SHC2: variants seen among roughly 807,000 people sequenced by gnomAD.
SHC2 encodes the protein SHC adaptor protein 2.
A neutral mutation model predicts 60.6 loss-of-function variants in SHC2; 62 were observed. The observed-to-expected ratio is 1.02, with a 90% confidence interval of 0.83 to 1.26. The LOEUF is 1.26. Among genes scored for constraint, SHC2 ranks in the 50% most tolerant of loss-of-function variants. SHC2 has a pLI of 0.00. For synonymous variants in SHC2, 375 were observed against 372.4 expected (o/e 1.01, Z -0.08); for missense variants, 873 against 822.2 (o/e 1.06, Z -0.76).
At position 441,336 on chromosome 19, in the gene SHC2, A is replaced by G; in HGVS notation, c.469-404T>C. ...TTCAGGGTCTGGCAAACAGTGGGGC[A>G]GACGTCCAGGGCAGCCACAGATGCA... On this transcript the variant is annotated intron_variant, in intron 1 of 12. Coordinates refer to ENST00000264554, the MANE Select transcript of SHC2 (RefSeq NM_012435.3). This position sits in a 1 kb window ranked among gnomAD's most constrained non-coding sequence, Gnocchi z 4.9. 1 of 182,438 alleles carries G rather than the reference A, an allele frequency of 5.5e-6. No individual in the cohort carries two copies. The highest frequency in any genetic ancestry group is 1.0e-5 in the Non-Finnish European group (1 of 95,998). 11.3% of individuals were successfully genotyped at this position (182,438 alleles called of 1,614,324 possible).
chr19:455,488 C>T (rs549868399), intron 1 of SHC2, among the ~76,000 whole-genome samples: 9 of 152,380 alleles, frequency 5.9e-5, no homozygotes, highest in East Asian at 1.9e-4. Context: ...ATGCTGCCCA[C>T]GGCGCTCGGA....
intron 1 of SHC2, among the ~76,000 whole-genome samples, chr19:454,508 C>T (rs942562752): frequency 1.3e-5 from 2 of 152,174 alleles, no homozygotes; most frequent in African/African-American, 4.8e-5. Context: ...AGAAATGGGC[C>T]GGACGCGACG....
rs901056920 is a variant in SHC2, at chr19:424,146, C to T, written c.1309+951G>A. On this transcript the variant is annotated intron_variant, in intron 10 of 12. Coordinates refer to ENST00000264554, the MANE Select transcript of SHC2 (RefSeq NM_012435.3). The surrounding 1 kb of genome is among the most constrained non-coding windows in gnomAD (Gnocchi z 4.5). ...CGGCAGCTCAGAGCCAACACCTCTC[C>T]GTGCTGGAGAAGGGCAGAGTCGAGG... Among the ~76,000 whole-genome samples the T allele has an allele frequency of 2.6e-5, 4 of 152,206 alleles. No individual in the cohort carries two copies. Among genetic ancestry groups the T allele is most frequent in the Non-Finnish European group, 5.9e-5 (4 of 68,036 alleles).
chr19:439,661 G>A (rs961969944), intron 2 of SHC2, among the ~76,000 whole-genome samples: 2 of 152,128 alleles, frequency 1.3e-5, no homozygotes, highest in African/African-American at 2.4e-5. Flanking sequence ...CAGCCTGGGG[G>A]CTCCTCAAAA....
Position 438,847 on chromosome 19 carries a change from G to A in SHC2, c.601-10C>T. On this transcript the variant is annotated splice_polypyrimidine_tract_variant and intron_variant, in intron 3 of 12. Transcript: ENST00000264554. The surrounding 1 kb of genome is among the most constrained non-coding windows in gnomAD (Gnocchi z 5.0). The stretch of plus-strand genomic sequence containing the variant: ...GGGCCTTGTTGGGGGCCTGAGTTGG[G>A]GGCGGAGCACAGCGAGGGCGGCTGT... The A allele has an allele frequency of 1.3e-6, 2 of 1,562,958 alleles. No homozygotes were observed. Among genetic ancestry groups the A allele is most frequent in the Non-Finnish European group, 1.7e-6 (2 of 1,154,676 alleles).
intron 9 of SHC2, among the ~76,000 whole-genome samples, chr19:427,860 G>A: frequency 7.3e-6 from 1 of 136,308 alleles, no homozygotes; most frequent in Non-Finnish European, 1.6e-5. Context: ...AGGGAAGGGG[G>A]AACTGCACAC....
chr19:452,374 A>G (rs368106144), intron 1 of SHC2, among the ~76,000 whole-genome samples: 13 of 64,550 alleles, frequency 2.0e-4, no homozygotes, highest in South Asian at 6.9e-4. Context: ...CTTGGGGGGA[A>G]TTCCTGCGTA....
rs147059953 is a variant in SHC2 at position 441,580 on chromosome 19, G to T, written c.469-648C>A. Among the ~76,000 whole-genome samples the T allele has an allele frequency of 1.3e-4, 20 of 152,278 alleles. No individual in the cohort carries two copies. Among genetic ancestry groups the T allele is most frequent in the African/African-American group, 4.6e-4 (19 of 41,562 alleles). On this transcript the variant is annotated intron_variant, in intron 1 of 12. Coordinates refer to ENST00000264554, the MANE Select transcript of SHC2 (RefSeq NM_012435.3). This position sits in a 1 kb window ranked among gnomAD's most constrained non-coding sequence, Gnocchi z 4.9. ...CAGCGTCCTTCCAACGTTGGCCCTT[G>T]CTGGAGGGAGGGTAAGGGGCACAGC...
rs1975023514 is a variant in SHC2 at position 445,183 on chromosome 19, C to T, written c.469-4251G>A. ...GATCTAGGGCTGAATATCTGTGCCC[C>T]CCTCAAAATCCCTCTGTGGAAACCT... On this transcript the variant is annotated intron_variant, in intron 1 of 12. Transcript: ENST00000264554. This position sits in a 1 kb window ranked among gnomAD's most constrained non-coding sequence, Gnocchi z 4.4. 1.3e-5 allele frequency among the ~76,000 whole-genome samples: 2 copies of T among 152,208 alleles called. No homozygotes were observed. Among genetic ancestry groups the T allele is most frequent in the South Asian group, 2.1e-4 (1 of 4,836 alleles).
chr19:458,667 G>C, intron 1 of SHC2, among the ~76,000 whole-genome samples: 1 of 142,302 alleles, frequency 7.0e-6, no homozygotes, highest in Middle Eastern at 4.7e-3. Context: ...GGCGGAAGTG[G>C]GTTCCGGGGG....
chr19:456,956 C>A (rs1975359557), intron 1 of SHC2, among the ~76,000 whole-genome samples: 1 of 146,216 alleles, frequency 6.8e-6, no homozygotes, highest in Non-Finnish European at 1.5e-5. Flanking sequence ...CCCTAGAACT[C>A]TGTCTGTAAA....
chr19:435,295 G>A (rs560565565), intron 7 of SHC2, among the ~76,000 whole-genome samples: 16 of 152,328 alleles, frequency 1.1e-4, no homozygotes, highest in African/African-American at 3.4e-4. Flanking sequence ...CAGCAAGCAC[G>A]GCCCCGAGAG....
At position 438,928 on chromosome 19, in the gene SHC2, ACTGCCCCAC is replaced by A; in HGVS notation, c.600+33_600+41del. 1.3e-6 allele frequency: 2 copies of A among 1,563,290 alleles called. No homozygotes were observed. Among genetic ancestry groups the A allele is most frequent in the Non-Finnish European group, 1.7e-6 (2 of 1,150,808 alleles). ...GGCCGCAGCGTCCCCACAGCCCCCG[ACTGCCCCAC>A]CAGCCCCACGAGAGACCACAAGCCT... On this transcript the variant is annotated intron_variant, in intron 3 of 12. Coordinates refer to ENST00000264554, the MANE Select transcript of SHC2 (RefSeq NM_012435.3). This position sits in a 1 kb window ranked among gnomAD's most constrained non-coding sequence, Gnocchi z 5.0.
In SHC2 at chr19:446,693, G is replaced by A. The variant is rs897665760; in HGVS notation, c.469-5761C>T. 5.9e-5 allele frequency among the ~76,000 whole-genome samples: 9 copies of A among 152,114 alleles called. No individual in the cohort carries two copies. The South Asian group carries it at 8.3e-4, about 14-fold the overall frequency. On this transcript the variant is annotated intron_variant, in intron 1 of 12. Transcript: ENST00000264554. The surrounding 1 kb of genome is among the most constrained non-coding windows in gnomAD (Gnocchi z 5.4). ...ACAGAAGATGGGGAGGAGCCCTGGC[G>A]GCTTCACATTCAACCTTCCCCTTTG...
rs1269112670 is a variant in SHC2, at chr19:425,110, A to T, written c.1296T>A (p.Asp432Glu). Residue 432 changes from aspartate (D) to glutamate (E), a missense_variant, in exon 10 of 13, where the codon GAT (aspartate) becomes GAA (glutamate). Coordinates refer to ENST00000264554, the MANE Select transcript of SHC2 (RefSeq NM_012435.3). The surrounding 1 kb of genome is among the most constrained non-coding windows in gnomAD (Gnocchi z 4.1). ...APEPEDSPKK[D>E]LFDMRPFEDA... is the part of the protein sequence containing the mutation. ...GCTGCCACATACGCATGTCAAACAG[A>T]TCCTTTTTGGGGCTGTCCTCCGGCT... 7.1e-7 allele frequency: 1 copy of T among 1,404,778 alleles called. No individual in the cohort carries two copies. Among genetic ancestry groups the T allele is most frequent in the Non-Finnish European group, 9.3e-7 (1 of 1,071,610 alleles). 87.0% of individuals were successfully genotyped at this position (1,404,778 alleles called of 1,614,324 possible). A position where few individuals can be genotyped will look rare whatever the true frequency, so the allele number is the denominator to read the frequency against.
chr19:438,621 C>T lies in SHC2; in HGVS notation c.720+97G>A. ...GGCTCGTCTTTCTGGATAAACGCCA[C>T]CTGCTGCCCGCCCCCAGCACCCCAC... On this transcript the variant is annotated intron_variant, in intron 4 of 12. Transcript: ENST00000264554. The surrounding 1 kb of genome is among the most constrained non-coding windows in gnomAD (Gnocchi z 5.0). 1 of 1,386,324 alleles carries T rather than the reference C, an allele frequency of 7.2e-7. No individual in the cohort carries two copies. The highest frequency in any genetic ancestry group is 1.3e-5 in the South Asian group (1 of 74,420). The allele number at this position is 1,386,324 out of a possible 1,614,324, so 85.9% of individuals were successfully genotyped here. A position where few individuals can be genotyped will look rare whatever the true frequency, so the allele number is the denominator to read the frequency against.
chr19:434,779 G>A lies in SHC2; in HGVS notation c.1040C>T (p.Pro347Leu), dbSNP rs528045997. The A allele has an allele frequency of 2.0e-5, 33 of 1,612,876 alleles. No individual in the cohort carries two copies. The highest frequency in any genetic ancestry group is 9.3e-5 in the African/African-American group (7 of 75,038). The change falls in exon 8 of 13, where the codon CCG becomes CTG. Residue 347 changes from proline (P) to leucine (L), a missense_variant. Pro to Leu is a moderately conservative substitution (Grantham distance 98). Coordinates refer to ENST00000264554, the MANE Select transcript of SHC2 (RefSeq NM_012435.3). ...NYYNSIPGKE[P>L]PLGGLVDSRL... ...GGAGTCCACTAGCCCGCCCAGCGGC[G>A]GCTCCTTCCCCGGGATGCTGTTGTA...
rs1293775760 is a variant in SHC2 at position 453,618 on chromosome 19, C to T, written c.468+6911G>A. On this transcript the variant is annotated intron_variant, in intron 1 of 12. Coordinates refer to ENST00000264554, the MANE Select transcript of SHC2 (RefSeq NM_012435.3). The surrounding 1 kb of genome is among the most constrained non-coding windows in gnomAD (Gnocchi z 6.3). ...CTGTCGAGCCATGGGATTCATCCAC[C>T]GTGTCAACTGGCCACACCTGACCCC... Among the ~76,000 whole-genome samples, 1 of 152,146 alleles carries T rather than the reference C, an allele frequency of 6.6e-6. No homozygotes were observed. The highest frequency in any genetic ancestry group is 2.4e-5 in the African/African-American group (1 of 41,428).
At position 440,113 on chromosome 19, in the gene SHC2, A is replaced by ATGC. The variant is rs1555706981; in HGVS notation, c.539+748_539+749insGCA. Among the ~76,000 whole-genome samples, 1 of 151,468 alleles carries ATGC rather than the reference A, an allele frequency of 6.6e-6. No homozygotes were observed. The highest frequency in any genetic ancestry group is 2.1e-4 in the South Asian group (1 of 4,754). On this transcript the variant is annotated intron_variant, in intron 2 of 12. Coordinates refer to ENST00000264554, the MANE Select transcript of SHC2 (RefSeq NM_012435.3). The surrounding 1 kb of genome is among the most constrained non-coding windows in gnomAD (Gnocchi z 7.0). ...AACGCCATGCTCAGTGAGAGACGCCAGACACACGAGGCCACGCAGCGTGTG... is the reference window on the plus strand; with the variant it reads ...AACGCCATGCTCAGTGAGAGACGCCATGCGACACACGAGGCCACGCAGCGTGTG...
Sources: gnomAD v4.1 joint callset for allele counts (sites outside exome capture counted in the v4.1 genomes callset) on GRCh38, gnomAD v4.1.1 for gene constraint, Gnocchi (gnomAD v3.1) non-coding constraint, MANE v1.5 for transcripts, NCBI Gene and HGNC (gene_info 2026-07-23, HGNC 2026-07-21) for gene names.